The following NPAS3 variants were observed in gnomAD, a reference collection of about 807,000 sequenced individuals.
NPAS3 encodes neuronal PAS domain protein 3, also known as neuronal PAS domain-containing protein 3.
A neutral mutation model predicts 73.1 loss-of-function variants in NPAS3; 14 were observed. The observed-to-expected ratio is 0.19, with a 90% CI of 0.13 to 0.30. The LOEUF (loss-of-function observed/expected upper bound fraction) is 0.30. Ranked by LOEUF, NPAS3 falls within the 10% of genes least tolerant of loss-of-function variation. NPAS3 has a pLI of 1.00. For missense variants in NPAS3, 1,096 were observed against 1,250.0 expected (o/e 0.88, Z 1.86); for synonymous variants, 620 against 541.5 (o/e 1.14, Z -2.01).
At chr14:32,947,675 A>G (rs1461497292) in intron 1 of NPAS3, among the ~76,000 whole-genome samples, 3 of 152,148 alleles carry the variant, frequency 2.0e-5, no homozygotes, top group African/African-American at 7.2e-5. Context: ...AAAATGGAAA[A>G]AAGTTACAAA....
At position 33,308,527 on chromosome 14, in the gene NPAS3, T is replaced by TATATATATACACACACACACACACAC; in HGVS notation, c.386-58658_386-58657insTATATATACACACACACACACACACA. Among the ~76,000 whole-genome samples, 10 of 103,720 alleles carry TATATATATACACACACACACACACAC rather than the reference T, an allele frequency of 9.6e-5. 1 individual carries two copies. The highest frequency in any genetic ancestry group is 4.6e-4 in the African/African-American group (10 of 21,570). The allele number at this position is 103,720 out of a possible 152,430, so 68.0% of individuals were successfully genotyped here. A position where few individuals can be genotyped will look rare whatever the true frequency, so the allele number is the denominator to read the frequency against. The stretch of plus-strand genomic sequence containing the variant: ...TGCATAGTTTATATATATATATATA[T>TATATATATACACACACACACACACAC]ACATACACACACACACACACACACA... On this transcript the variant is annotated intron_variant, in intron 3 of 11. Transcript: ENST00000356141.
intron 5 of NPAS3, among the ~76,000 whole-genome samples, chr14:33,643,375 T>TAAAAAAAAAAAAAAAAAAAAAAAAAA (rs755879056): frequency 9.5e-5 from 9 of 94,606 alleles, no homozygotes; most frequent in African/African-American, 2.0e-4. Context: ...AAATAAAAAT[T>TAAAAAAAAAAAAAAAAAAAAAAAAAA]AAAAAAAAAA....
chr14:32,957,770 C>T (rs1463005744), intron 1 of NPAS3, among the ~76,000 whole-genome samples: 2 of 152,206 alleles, frequency 1.3e-5, no homozygotes, highest in Non-Finnish European at 1.5e-5. Flanking sequence ...AACAGAGTTA[C>T]TCCCTTATCC....
At chr14:33,345,244 A>G (rs1200524227) in intron 3 of NPAS3, among the ~76,000 whole-genome samples, 2 of 152,228 alleles carry the variant, frequency 1.3e-5, no homozygotes, top group African/African-American at 4.8e-5. Context: ...TTCTAAACTT[A>G]GCTTTTATAT....
intron 6 of NPAS3, among the ~76,000 whole-genome samples, chr14:33,731,423 GAAA>G (rs11322471): frequency 4.9e-4 from 59 of 121,598 alleles, no homozygotes; most frequent in Admixed American, 7.6e-4. Flanking sequence ...TGTCTCATTT[GAAA>G]AAAAAAAAAA....
intron 4 of NPAS3, among the ~76,000 whole-genome samples, chr14:33,427,758 G>C (rs1430827224): frequency 1.3e-5 from 2 of 152,020 alleles, no homozygotes; most frequent in African/African-American, 4.8e-5. Context: ...CAGAAGAAGG[G>C]CTGGCACATA....
chr14:33,527,180 C>G (rs1469667363), intron 4 of NPAS3, among the ~76,000 whole-genome samples: 2 of 152,186 alleles, frequency 1.3e-5, no homozygotes, highest in African/African-American at 4.8e-5. Flanking sequence ...CTTATCCACT[C>G]TCCGTCTTCC....
chr14:33,396,811 A>G (rs2047242672), intron 4 of NPAS3, among the ~76,000 whole-genome samples: 1 of 150,788 alleles, frequency 6.6e-6, no homozygotes, highest in South Asian at 2.1e-4. Context: ...AAGTGAATAT[A>G]AGTGCAATGT....
At chr14:33,548,246 A>G (rs912377247) in intron 4 of NPAS3, among the ~76,000 whole-genome samples, 3 of 152,190 alleles carry the variant, frequency 2.0e-5, no homozygotes, top group African/African-American at 7.2e-5. Flanking sequence ...TCTGCATGCT[A>G]ATTTTAATAA....
intron 1 of NPAS3, among the ~76,000 whole-genome samples, chr14:32,974,379 A>G (rs1389665251): frequency 6.6e-6 from 1 of 152,192 alleles, no homozygotes; most frequent in African/African-American, 2.4e-5. Context: ...TAAGTTACAG[A>G]TAATGCTTTT....
At chr14:33,618,515 G>A (rs2057988134) in intron 5 of NPAS3, among the ~76,000 whole-genome samples, 1 of 152,068 alleles carries the variant, frequency 6.6e-6, no homozygotes, top group Non-Finnish European at 1.5e-5. Context: ...CTGACAGGAG[G>A]TGGAGCTCAG....
chr14:32,972,900 G>A (rs1459282197), intron 1 of NPAS3, among the ~76,000 whole-genome samples: 2 of 152,134 alleles, frequency 1.3e-5, no homozygotes, highest in African/African-American at 2.4e-5. Flanking sequence ...CACACACAAT[G>A]GACAACCGCT....
chr14:33,678,213 A>C (rs2059823375), intron 6 of NPAS3, among the ~76,000 whole-genome samples: 1 of 152,178 alleles, frequency 6.6e-6, no homozygotes, highest in African/African-American at 2.4e-5. Context: ...CCTGATAGGA[A>C]GCTCATGAAC....
chr14:33,361,383 C>T (rs1315131), intron 3 of NPAS3, among the ~76,000 whole-genome samples: 31,807 of 152,052 alleles, frequency 0.21, 3,667 homozygotes, highest in African/African-American at 0.29. Context: ...CTCAAGAAGC[C>T]GAGAAGTGCA....
At chr14:33,171,594 C>G (rs1218128384) in intron 2 of NPAS3, among the ~76,000 whole-genome samples, 2 of 152,190 alleles carry the variant, frequency 1.3e-5, no homozygotes, top group Non-Finnish European at 2.9e-5. Flanking sequence ...GGGCCTTGCT[C>G]TGGATTAGGT....
intron 3 of NPAS3, among the ~76,000 whole-genome samples, chr14:33,273,050 G>T (rs1308474651): frequency 6.6e-6 from 1 of 152,122 alleles, no homozygotes; most frequent in African/African-American, 2.4e-5. Flanking sequence ...TCTTTCTGCA[G>T]TCCTGGTCCC....
intron 2 of NPAS3, among the ~76,000 whole-genome samples, chr14:33,194,367 G>C (rs371534982): frequency 4.6e-5 from 7 of 152,046 alleles, no homozygotes; most frequent in African/African-American, 1.4e-4. Flanking sequence ...AGAATACTTA[G>C]AGTTTGGGCC....
At chr14:33,142,357 A>G (rs1302607350) in intron 2 of NPAS3, among the ~76,000 whole-genome samples, 1 of 152,048 alleles carries the variant, frequency 6.6e-6, no homozygotes, top group African/African-American at 2.4e-5. Flanking sequence ...TTATGTTGAC[A>G]TCTAATAAAT....
chr14:33,088,693 C>T (rs1460902853), intron 2 of NPAS3, among the ~76,000 whole-genome samples: 6 of 152,170 alleles, frequency 3.9e-5, no homozygotes, highest in African/African-American at 7.2e-5. Flanking sequence ...CTCCTAGCAC[C>T]GAGTTTTAGA....
Sources: gnomAD v4.1 joint callset for allele counts (sites outside exome capture counted in the v4.1 genomes callset) on GRCh38, gnomAD v4.1.1 for gene constraint, MANE v1.5 for transcripts, NCBI Gene and HGNC (gene_info 2026-07-23, HGNC 2026-07-21) for gene names.